The following C2orf66 variants were observed in gnomAD, a reference collection of about 807,000 sequenced individuals.
C2orf66 encodes uncharacterized protein C2orf66.
A neutral mutation model predicts 7.0 loss-of-function variants in C2orf66; 6 were observed. The ratio of observed to expected loss-of-function variants is 0.86; its 90% CI spans 0.47 to 1.69. The LOEUF (loss-of-function observed/expected upper bound fraction) is 1.69. Ranked by LOEUF, C2orf66 falls within the 40% of genes most tolerant of loss-of-function variation. The pLI is 0.01. For synonymous variants in C2orf66, 38 were observed against 43.8 expected, an observed-to-expected ratio of 0.87 and a Z score of 0.52; for missense variants, 107 against 112.0, an observed-to-expected ratio of 0.96 and a Z score of 0.20.
chr2:196,808,706 T>G (rs1189002916), intron 1 of C2orf66, among the ~76,000 whole-genome samples: 2 of 152,244 alleles, frequency 1.3e-5, no homozygotes, highest in Non-Finnish European at 2.9e-5. Flanking sequence ...AAGAGAATGT[T>G]TACTGATCTT....
At chr2:196,826,877 A>C in the C2orf66 span, among the ~76,000 whole-genome samples, 2 of 151,964 alleles carry the variant, frequency 1.3e-5, no homozygotes, top group Non-Finnish European at 2.9e-5. Flanking sequence ...ATAAAAATAC[A>C]AAAAATTAGC....
upstream of C2orf66, among the ~76,000 whole-genome samples, chr2:196,812,101 G>T (rs1699882232): frequency 6.6e-6 from 1 of 152,152 alleles, no homozygotes; most frequent in African/African-American, 2.4e-5. Context: ...GTTAAAAGTA[G>T]AGTCAAGGAA....
chr2:196,827,421 CTTT>C, the C2orf66 span, among the ~76,000 whole-genome samples: 1 of 150,974 alleles, frequency 6.6e-6, no homozygotes, highest in African/African-American at 2.5e-5. Flanking sequence ...AACATAAATT[CTTT>C]TTTTTCTCCA....
At chr2:196,810,639 C>A (rs568076209), upstream of C2orf66, among the ~76,000 whole-genome samples, 3 of 152,264 alleles carry the variant, frequency 2.0e-5, no homozygotes, top group East Asian at 5.8e-4. Flanking sequence ...AAATTTAGGA[C>A]AAGATATTTA....
chr2:196,828,230 T>TCACACA, the C2orf66 span, among the ~76,000 whole-genome samples: 3,281 of 125,106 alleles, frequency 0.026, 78 homozygotes, highest in African/African-American at 0.062. Context: ...TCTCTCTCTC[T>TCACACA]CACACACACA....
chr2:196,815,132 CT>C, the C2orf66 span, among the ~76,000 whole-genome samples: 8 of 148,802 alleles, frequency 5.4e-5, no homozygotes, highest in African/African-American at 7.4e-5. Flanking sequence ...GGCTGGCTCT[CT>C]TTTTTTTTTC....
the C2orf66 span, among the ~76,000 whole-genome samples, chr2:196,828,077 T>C: frequency 6.6e-6 from 1 of 152,162 alleles, no homozygotes. Context: ...TGAAATTACA[T>C]CTATTAAGCA....
the C2orf66 span, among the ~76,000 whole-genome samples, chr2:196,825,883 G>A: frequency 3.9e-5 from 6 of 152,334 alleles, no homozygotes; most frequent in South Asian, 8.3e-4. Flanking sequence ...CATACAGGAA[G>A]ACAGGGCCCC....
chr2:196,821,221 C>T, the C2orf66 span, among the ~76,000 whole-genome samples: 4 of 152,316 alleles, frequency 2.6e-5, no homozygotes, highest in African/African-American at 9.6e-5. Context: ...GGTGGCATGG[C>T]CCTACCCATG....
chr2:196,808,696 A>G (rs1474496850), intron 1 of C2orf66, among the ~76,000 whole-genome samples: 2 of 152,178 alleles, frequency 1.3e-5, no homozygotes, highest in African/African-American at 4.8e-5. Context: ...ATTTTTTTTA[A>G]AGAGAATGTT....
At chr2:196,826,617 A>C in the C2orf66 span, among the ~76,000 whole-genome samples, 1 of 152,218 alleles carries the variant, frequency 6.6e-6, no homozygotes, top group Non-Finnish European at 1.5e-5. Flanking sequence ...TTCAGAGAAA[A>C]AGAAAAAGAG....
At chr2:196,820,846 C>T in the C2orf66 span, among the ~76,000 whole-genome samples, 1 of 152,118 alleles carries the variant, frequency 6.6e-6, no homozygotes, top group African/African-American at 2.4e-5. Flanking sequence ...TAGTATGAGA[C>T]CTTAGAAGAT....
chr2:196,823,626 C>CAAACAAAACAA, the C2orf66 span, among the ~76,000 whole-genome samples: 1 of 150,370 alleles, frequency 6.7e-6, no homozygotes, highest in Non-Finnish European at 1.5e-5. Context: ...GACCCTGTCT[C>CAAACAAAACAA]AAACAAAACA....
At chr2:196,805,813 A>G (rs1176625922) in intron 2 of C2orf66, among the ~76,000 whole-genome samples, 1 of 152,228 alleles carries the variant, frequency 6.6e-6, no homozygotes, top group East Asian at 1.9e-4. Flanking sequence ...GAGAGATAGT[A>G]TGGTATTAAT....
chr2:196,814,679 A>G, the C2orf66 span, among the ~76,000 whole-genome samples: 1 of 152,218 alleles, frequency 6.6e-6, no homozygotes, highest in Non-Finnish European at 1.5e-5. Flanking sequence ...CCCAATGTTG[A>G]GCCCAATATG....
At chr2:196,828,901 C>A in the C2orf66 span, among the ~76,000 whole-genome samples, 1 of 152,100 alleles carries the variant, frequency 6.6e-6, no homozygotes, top group Non-Finnish European at 1.5e-5. Context: ...GGGACAGCAA[C>A]CTGGTCAAAT....
intron 2 of C2orf66, among the ~76,000 whole-genome samples, chr2:196,806,032 C>T (rs1699816479): frequency 6.6e-6 from 1 of 152,156 alleles, no homozygotes; most frequent in African/African-American, 2.4e-5. Context: ...AAAACCCTTT[C>T]ACAAACACCA....
the C2orf66 span, among the ~76,000 whole-genome samples, chr2:196,825,135 G>A: frequency 6.7e-6 from 1 of 150,270 alleles, no homozygotes; most frequent in Non-Finnish European, 1.5e-5. Flanking sequence ...TCAGGAGGCT[G>A]AGGCAAAAGA....
the C2orf66 span, among the ~76,000 whole-genome samples, chr2:196,830,896 T>C: frequency 6.6e-6 from 1 of 152,044 alleles, no homozygotes. Flanking sequence ...CTTTCTTCTT[T>C]GAGGGGGAAC....
Sources: gnomAD v4.1 joint callset for allele counts (sites outside exome capture counted in the v4.1 genomes callset) on GRCh38, gnomAD v4.1.1 for gene constraint, MANE v1.5 for transcripts, NCBI Gene and HGNC (gene_info 2026-07-23, HGNC 2026-07-21) for gene names.